ZNF575: variants seen among roughly 807,000 people sequenced by gnomAD.
ZNF575 encodes the protein zinc finger protein 575.
ZNF575 carries 17 observed loss-of-function variants against 17.5 expected under a neutral mutation model. That is an observed-to-expected ratio of 0.97 (90% CI 0.66 to 1.45). The LOEUF (loss-of-function observed/expected upper bound fraction) is 1.45, where lower values mean the gene tolerates loss of function less well. ZNF575 is among the 40% of genes most tolerant of loss of function. The pLI is 0.00. For missense variants in ZNF575, 352 were observed against 359.2 expected, an observed-to-expected ratio of 0.98 and a Z score of 0.16; for synonymous variants, 146 against 158.3, an observed-to-expected ratio of 0.92 and a Z score of 0.58.
chr19:43,531,447 T>C (rs1296036709), upstream of ZNF575, among the ~76,000 whole-genome samples: 1 of 152,180 alleles, frequency 6.6e-6, no homozygotes, highest in African/African-American at 2.4e-5. Context: ...CTGGGTGTTG[T>C]GGTGAACACC....
upstream of ZNF575, chr19:43,531,743 G>C: frequency 1.8e-6 from 1 of 566,930 alleles, no homozygotes; most frequent in Non-Finnish European, 3.2e-6. Context: ...GAGTGGATGG[G>C]GGGTAAATCA....
rs1399189001 is a variant in ZNF575, at chr19:43,535,756, C to A, written c.*69C>A. The A allele has an allele frequency of 6.1e-6, 9 of 1,477,188 alleles. No homozygotes were observed. The highest frequency in any genetic ancestry group is 8.1e-6 in the Non-Finnish European group (9 of 1,107,548). 91.5% of individuals were successfully genotyped at this position (1,477,188 alleles called of 1,614,324 possible). A position where few individuals can be genotyped will look rare whatever the true frequency, so the allele number is the denominator to read the frequency against. On this transcript the variant is annotated 3_prime_UTR_variant, in exon 4 of 4. Transcript: ENST00000314228. ...CAGTAAGAGGTGGGATTTCTAAGAC[C>A]GACTGTATGAGCTCGCCTCTTCCAG...
chr19:43,534,331 T>C lies in ZNF575; in HGVS notation c.-86-6T>C. 1 of 1,251,606 alleles carries C rather than the reference T, an allele frequency of 8.0e-7. No individual in the cohort carries two copies. The highest frequency in any genetic ancestry group is 1.1e-6 in the Non-Finnish European group (1 of 887,144). The allele number at this position is 1,251,606 out of a possible 1,614,324, so 77.5% of individuals were successfully genotyped here. ...TGCTCCTAAACAGTGTGATCCCTCA[T>C]TTTAGGCCCTCCAACCCTATCCCCA... On this transcript the variant is annotated splice_region_variant and splice_polypyrimidine_tract_variant and intron_variant, in intron 2 of 3. Coordinates refer to ENST00000314228, the MANE Select transcript of ZNF575 (RefSeq NM_174945.3).
chr19:43,531,808 CG>C (rs780536058), upstream of ZNF575: 12 of 679,976 alleles, frequency 1.8e-5, no homozygotes, highest in South Asian at 1.7e-4. Flanking sequence ...TTTAAAGATA[CG>C]GGGTATCACT....
upstream of ZNF575, chr19:43,531,714 C>T (rs1352368210): frequency 2.0e-6 from 1 of 497,440 alleles, no homozygotes; most frequent in East Asian, 3.3e-5. Flanking sequence ...TGACATTTAG[C>T]TTCAGAATCA....
chr19:43,531,471 A>G (rs1345683221), upstream of ZNF575, among the ~76,000 whole-genome samples: 1 of 152,190 alleles, frequency 6.6e-6, no homozygotes, highest in Admixed American at 6.5e-5. Context: ...AATCCCAGCT[A>G]CTTGGGAGGC....
chr19:43,535,601 T>TG lies in ZNF575; in HGVS notation c.653dup (p.Cys218TrpfsTer51). The TG allele has an allele frequency of 6.2e-7, 1 of 1,613,818 alleles. No homozygotes were observed. The highest frequency in any genetic ancestry group is 1.1e-5 in the South Asian group (1 of 91,078). Reference sequence around the variant, plus strand: ...GACTGCCTGGCACCGATGCTCCAGCTGCGGCCAGGCCTTTGGCCAGAGACG... The same window carrying TG: ...GACTGCCTGGCACCGATGCTCCAGCTGGCGGCCAGGCCTTTGGCCAGAGACG... On this transcript the variant is annotated frameshift_variant, in exon 4 of 4. Coordinates refer to ENST00000314228, the MANE Select transcript of ZNF575 (RefSeq NM_174945.3). LOFTEE classifies it high-confidence loss of function.
At chr19:43,531,236 G>A (rs200403233), upstream of ZNF575, among the ~76,000 whole-genome samples, 29 of 152,012 alleles carry the variant, frequency 1.9e-4, no homozygotes, top group East Asian at 5.0e-3. Context: ...GGTTACAGTG[G>A]GCTGATATCT....
At chr19:43,532,176 G>A (rs375389824), upstream of ZNF575, among the ~76,000 whole-genome samples, 2 of 133,002 alleles carry the variant, frequency 1.5e-5, no homozygotes, top group East Asian at 2.0e-4. Flanking sequence ...TTACAAGCGT[G>A]TGCCACCATG....
In ZNF575 at chr19:43,535,121, C is replaced by G; in HGVS notation, c.172C>G (p.Pro58Ala). ...GCCTCCCCGGCCTCGCCGGCGGCCC[C>G]CGCCCCAGCGCCCGCACCGCTGCCC... ...GSPPRPRRRP[P>A]PQRPHRCPDC... The change falls in exon 4 of 4, where the codon CCG (proline) becomes GCG (alanine). Residue 58 changes from proline to alanine, a missense_variant. Pro to Ala is a conservative substitution (Grantham distance 27, BLOSUM62 -1). Coordinates refer to ENST00000314228, the MANE Select transcript of ZNF575 (RefSeq NM_174945.3). The G allele has an allele frequency of 6.5e-7, 1 of 1,539,934 alleles. No homozygotes were observed. The highest frequency in any genetic ancestry group is 8.7e-7 in the Non-Finnish European group (1 of 1,146,316).
At position 43,533,315 on chromosome 19, in the gene ZNF575, T is replaced by C. The variant is rs1435285230; in HGVS notation, c.-401T>C. 1.3e-5 allele frequency: 2 copies of C among 152,218 alleles called. No homozygotes were observed. The highest frequency in any genetic ancestry group is 1.3e-4 in the Admixed American group (2 of 15,276). 9.4% of individuals were successfully genotyped at this position (152,218 alleles called of 1,614,324 possible). On this transcript the variant is annotated 5_prime_UTR_variant, in exon 1 of 4. Transcript: ENST00000314228. ...GCATGCTTTCTGACGCCCCCTTTGGTCCAGCGTGGGAGGAGGGGATGGAAA... is the reference window on the plus strand; with the variant it reads ...GCATGCTTTCTGACGCCCCCTTTGGCCCAGCGTGGGAGGAGGGGATGGAAA...
chr19:43,535,489 G>A lies in ZNF575; in HGVS notation c.540G>A (p.Pro180=), dbSNP rs781615556. The A allele has an allele frequency of 6.2e-7, 1 of 1,604,534 alleles. No individual in the cohort carries two copies. The highest frequency in any genetic ancestry group is 2.3e-5 in the East Asian group (1 of 44,234). ...HATDARPYPC[P]HCPKAFSFPS... ...CCGACGCCCGCCCCTATCCTTGCCCGCATTGCCCCAAGGCTTTCTCATTTC... is the reference window on the plus strand; with the variant it reads ...CCGACGCCCGCCCCTATCCTTGCCCACATTGCCCCAAGGCTTTCTCATTTC... Residue 180 remains proline (P), a synonymous_variant, in exon 4 of 4, where the codon CCG becomes CCA. Transcript: ENST00000314228.
intron 1 of ZNF575, 102 bp from the exon 2 acceptor site, chr19:43,533,693 A>AT (rs938187106): frequency 4.6e-5 from 7 of 152,238 alleles, no homozygotes; most frequent in African/African-American, 1.5e-4. Context: ...TCTGATTCCG[A>AT]GGGGTGCATT....
Position 43,535,100 on chromosome 19 carries a change from C to T in ZNF575, c.151C>T (p.Pro51Ser). ...PGPTASAGSP[P>S]RPRRRPPPQR... ...GCCCACCGCGTCCGCGGGCTCGCCT[C>T]CCCGGCCTCGCCGGCGGCCCCCGCC... The change falls in exon 4 of 4, where the codon CCC becomes TCC. Residue 51 changes from proline to serine, a missense_variant. Physicochemically the swap from Pro to Ser is moderately conservative, Grantham distance 74. Transcript: ENST00000314228. 1 of 1,514,508 alleles carries T rather than the reference C, an allele frequency of 6.6e-7. No homozygotes were observed. Among genetic ancestry groups the T allele is most frequent in the Non-Finnish European group, 8.8e-7 (1 of 1,136,888 alleles). 93.8% of individuals were successfully genotyped at this position (1,514,508 alleles called of 1,614,324 possible).
chr19:43,532,104 C>G (rs1972352664), upstream of ZNF575, among the ~76,000 whole-genome samples: 1 of 152,064 alleles, frequency 6.6e-6, no homozygotes, highest in Non-Finnish European at 1.5e-5. Context: ...TCTTGGCTCA[C>G]TGCAACCTCT....
chr19:43,534,847 T>C (rs1271010628), intron 3 of ZNF575, among the ~76,000 whole-genome samples, 182 bp from the exon 4 acceptor site: 5 of 151,744 alleles, frequency 3.3e-5, no homozygotes, highest in Non-Finnish European at 7.4e-5. Context: ...TTGGAGTCCC[T>C]CAGAATGACG....
Position 43,534,225 on chromosome 19 carries a change from C to T in ZNF575, c.-86-112C>T, listed in dbSNP as rs137972967. 2.7e-3 allele frequency: 1,498 copies of T among 555,068 alleles called. 11 individuals are homozygous for T. The highest frequency in any genetic ancestry group is 0.024 in the African/African-American group (1,233 of 50,498). 34.4% of individuals were successfully genotyped at this position (555,068 alleles called of 1,614,324 possible). ...AGGGACTGCCTCTGGCTTGAATTTG[C>T]ATAGCCCCGCTCACTGTGCTCTTAG... On this transcript the variant is annotated intron_variant, in intron 2 of 3. Coordinates refer to ENST00000314228, the MANE Select transcript of ZNF575 (RefSeq NM_174945.3).
upstream of ZNF575, among the ~76,000 whole-genome samples, chr19:43,532,535 G>C (rs1972357105): frequency 6.6e-6 from 1 of 152,196 alleles, no homozygotes; most frequent in African/African-American, 2.4e-5. Context: ...GGGTCACACG[G>C]CTAGAAAGTG....
chr19:43,535,021 TC>T lies in ZNF575; in HGVS notation c.80-3del, dbSNP rs1441346150. On this transcript the variant is annotated splice_region_variant and splice_polypyrimidine_tract_variant and intron_variant, in intron 3 of 3. Transcript: ENST00000314228. Reference sequence around the variant, plus strand: ...TTCCTGGAGCCCACCAGCCCTCCTGTCCCCCAGCTCCCCACCAGGGCCCACC... The same window carrying T: ...TTCCTGGAGCCCACCAGCCCTCCTGTCCCCAGCTCCCCACCAGGGCCCACC... The T allele has an allele frequency of 2.1e-6, 3 of 1,429,914 alleles. No individual in the cohort carries two copies. The highest frequency in any genetic ancestry group is 9.1e-7 in the Non-Finnish European group (1 of 1,104,448). The allele number at this position is 1,429,914 out of a possible 1,614,324, so 88.6% of individuals were successfully genotyped here.
Sources: gnomAD v4.1 joint callset for allele counts (sites outside exome capture counted in the v4.1 genomes callset) on GRCh38, gnomAD v4.1.1 for gene constraint, MANE v1.5 for transcripts, NCBI Gene and HGNC (gene_info 2026-07-23, HGNC 2026-07-21) for gene names.